The following RHBDD1 variants were observed in gnomAD, a reference collection of about 807,000 sequenced individuals.
The protein encoded by RHBDD1 is rhomboid-related protein 4.
Under a neutral mutation model 36.3 loss-of-function variants are expected in RHBDD1, and 38 were observed. The observed-to-expected ratio is 1.05, with a 90% CI of 0.81 to 1.37. The LOEUF (loss-of-function observed/expected upper bound fraction) is 1.37, where lower values mean the gene tolerates loss of function less well. Among genes scored for constraint, RHBDD1 ranks in the 40% most tolerant of loss-of-function variants. The probability of loss-of-function intolerance (pLI) is 0.00; values close to 1 mark genes in which losing one functional copy is unlikely to be tolerated. For synonymous variants in RHBDD1, 151 were observed against 136.5 expected, an observed-to-expected ratio of 1.11 and a Z score of -0.74; for missense variants, 393 against 377.6, an observed-to-expected ratio of 1.04 and a Z score of -0.34.
chr2:226,964,685 C>A (rs1184746990), intron 8 of RHBDD1, among the ~76,000 whole-genome samples: 1 of 152,310 alleles, frequency 6.6e-6, no homozygotes, highest in East Asian at 1.9e-4. Flanking sequence ...TTCTTTTATA[C>A]CTTTGCAACT....
intron 7 of RHBDD1, among the ~76,000 whole-genome samples, chr2:226,909,161 T>C (rs1315452900): frequency 1.3e-5 from 2 of 152,104 alleles, no homozygotes; most frequent in Non-Finnish European, 2.9e-5. Context: ...TATTAGACCT[T>C]GGTTCTTTAA....
chr2:226,991,020 A>G (rs965605191), intron 8 of RHBDD1, among the ~76,000 whole-genome samples: 3 of 152,232 alleles, frequency 2.0e-5, no homozygotes, highest in African/African-American at 7.2e-5. Flanking sequence ...TCATGTGACA[A>G]AAGCGTGCTG....
the RHBDD1 span, among the ~76,000 whole-genome samples, chr2:226,805,644 T>G: frequency 1.3e-5 from 2 of 152,258 alleles, no homozygotes; most frequent in African/African-American, 4.8e-5. Flanking sequence ...TTTGGTGCAG[T>G]GCACTCTAAA....
chr2:226,985,377 T>C (rs1005661015), intron 8 of RHBDD1, among the ~76,000 whole-genome samples: 1 of 152,122 alleles, frequency 6.6e-6, no homozygotes, highest in Non-Finnish European at 1.5e-5. Flanking sequence ...AATAAACAAC[T>C]CCATAATATT....
At chr2:226,812,935 A>G in the RHBDD1 span, among the ~76,000 whole-genome samples, 1 of 152,294 alleles carries the variant, frequency 6.6e-6, no homozygotes, top group South Asian at 2.1e-4. Flanking sequence ...CTCTACATAT[A>G]TTATTTCATT....
chr2:226,960,238 A>G (rs966116617), intron 8 of RHBDD1, among the ~76,000 whole-genome samples: 2 of 152,136 alleles, frequency 1.3e-5, no homozygotes, highest in African/African-American at 4.8e-5. Context: ...AACACTTGCT[A>G]TGGTCAGTCT....
chr2:226,810,514 C>T, the RHBDD1 span, among the ~76,000 whole-genome samples: 1 of 109,948 alleles, frequency 9.1e-6, no homozygotes, highest in East Asian at 2.8e-4. Flanking sequence ...TCACTCCAGC[C>T]TGAGCAAAAG....
At chr2:226,860,354 A>T (rs1382339311) in intron 3 of RHBDD1, among the ~76,000 whole-genome samples, 2 of 152,124 alleles carry the variant, frequency 1.3e-5, no homozygotes, top group African/African-American at 4.8e-5. Flanking sequence ...AACCCAACAG[A>T]TTTTACAGGT....
intron 8 of RHBDD1, among the ~76,000 whole-genome samples, chr2:226,974,441 G>A (rs1559329961): frequency 6.6e-6 from 1 of 152,064 alleles, no homozygotes; most frequent in Non-Finnish European, 1.5e-5. Context: ...GTTTCACCGT[G>A]TTAGCCAGGA....
intron 3 of RHBDD1, among the ~76,000 whole-genome samples, chr2:226,845,923 T>G (rs1311712055): frequency 1.3e-5 from 2 of 152,240 alleles, no homozygotes; most frequent in Non-Finnish European, 2.9e-5. Flanking sequence ...ACCAGAAGTT[T>G]AGAAGCTTAT....
intron 3 of RHBDD1, among the ~76,000 whole-genome samples, chr2:226,850,952 A>C (rs900973228): frequency 3.0e-4 from 46 of 151,828 alleles, no homozygotes; most frequent in African/African-American, 1.1e-3. Context: ...ATCCTTAGTC[A>C]CCCTAGGGGG....
the RHBDD1 span, among the ~76,000 whole-genome samples, chr2:226,809,521 A>G: frequency 6.6e-6 from 1 of 151,726 alleles, no homozygotes; most frequent in Non-Finnish European, 1.5e-5. Context: ...AAAAATTCCT[A>G]TGAGGACAGA....
chr2:226,966,896 G>A (rs2149296007), intron 8 of RHBDD1, among the ~76,000 whole-genome samples: 1 of 151,878 alleles, frequency 6.6e-6, no homozygotes, highest in South Asian at 2.1e-4. Flanking sequence ...TTGGGAGCAT[G>A]GGAGATCTAC....
rs1419688099 is a variant in RHBDD1 at position 226,908,836 on chromosome 2, A to G, written c.670A>G (p.Ser224Gly). The G allele has an allele frequency of 6.2e-7, 1 of 1,608,060 alleles. No homozygotes were observed. Among genetic ancestry groups the G allele is most frequent in the Non-Finnish European group, 8.5e-7 (1 of 1,174,496 alleles). ...MEACAGGFSS[S>G]VGYPGRQYYF... Reference sequence around the variant, plus strand: ...TTTACGTTTAGGCGGTTTTTCCTCCAGTGTTGGTTACCCAGGACGGCAATA... The same window carrying G: ...TTTACGTTTAGGCGGTTTTTCCTCCGGTGTTGGTTACCCAGGACGGCAATA... The change falls in exon 7 of 9, where the codon AGT (serine) becomes GGT (glycine). Residue 224 changes from serine to glycine, a missense_variant. Ser to Gly is a moderately conservative substitution (Grantham distance 56, BLOSUM62 0). Transcript: ENST00000392062.
chr2:226,924,598 C>T (rs1045680940), intron 8 of RHBDD1, among the ~76,000 whole-genome samples: 2 of 152,182 alleles, frequency 1.3e-5, no homozygotes, highest in African/African-American at 4.8e-5. Flanking sequence ...CCAAGAATTG[C>T]AGTTCTTGTG....
the RHBDD1 span, among the ~76,000 whole-genome samples, chr2:226,819,061 C>G: frequency 6.6e-6 from 1 of 152,120 alleles, no homozygotes; most frequent in Non-Finnish European, 1.5e-5. Flanking sequence ...CTCTTCCACC[C>G]GGCCCACTTG....
rs374853740 is a variant in RHBDD1, at chr2:226,949,233, T to G, written c.856+34882T>G. ...ATTTATAGATTTACTGCTACTCCCA[T>G]CAAGCTACCATTGACTTTCTTCACA... On this transcript the variant is annotated intron_variant, in intron 8 of 8. Transcript: ENST00000392062. Among the ~76,000 whole-genome samples the G allele has an allele frequency of 1.8e-4, 27 of 152,316 alleles. No individual in the cohort carries two copies. In the East Asian group the frequency reaches 4.8e-3, roughly 27 times the overall value.
chr2:226,951,313 G>T (rs886195604), intron 8 of RHBDD1, among the ~76,000 whole-genome samples: 2 of 151,984 alleles, frequency 1.3e-5, no homozygotes, highest in Non-Finnish European at 2.9e-5. Flanking sequence ...ACAATTCAGC[G>T]AATAACAATA....
intron 5 of RHBDD1, among the ~76,000 whole-genome samples, chr2:226,889,339 A>G (rs752235341): frequency 7.9e-5 from 12 of 152,164 alleles, no homozygotes; most frequent in Non-Finnish European, 1.2e-4. Flanking sequence ...ATTTTTAACA[A>G]TGGCTTGAGG....
Sources: gnomAD v4.1 joint callset for allele counts (sites outside exome capture counted in the v4.1 genomes callset) on GRCh38, gnomAD v4.1.1 for gene constraint, MANE v1.5 for transcripts, NCBI Gene and HGNC (gene_info 2026-07-23, HGNC 2026-07-21) for gene names.